MPST: variants seen among roughly 807,000 people sequenced by gnomAD.
The protein encoded by MPST is 3-mercaptopyruvate sulfurtransferase.
In MPST, 27 loss-of-function variants were observed where a neutral mutation model predicts 28.5. The observed-to-expected ratio is 0.95, with a 90% CI of 0.70 to 1.31. The LOEUF (loss-of-function observed/expected upper bound fraction) is 1.31. MPST is among the 50% of genes most tolerant of loss of function. MPST has a pLI of 0.00. For synonymous variants in MPST, 204 were observed against 209.3 expected, an observed-to-expected ratio of 0.97 and a Z score of 0.22; for missense variants, 492 against 471.1, an observed-to-expected ratio of 1.04 and a Z score of -0.41.
chr22:37,029,341 T>TC lies in MPST; in HGVS notation c.782dup (p.Lys262Ter), dbSNP rs757877594. Reference sequence around the variant, plus strand: ...GTTCCAGGAGAAGAAAGTGGACCTGTCTAAGCCACTGGTGGCCACGTGTGG... The same window carrying TC: ...GTTCCAGGAGAAGAAAGTGGACCTGTCCTAAGCCACTGGTGGCCACGTGTGG... On this transcript the variant is annotated frameshift_variant, in exon 3 of 3. Transcript: ENST00000429360. LOFTEE classifies it high-confidence loss of function. 6.2e-7 allele frequency: 1 copy of TC among 1,614,112 alleles called. No homozygotes were observed.
At chr22:37,023,014 G>T in intron 1 of MPST, 1 of 152,858 alleles carries the variant, frequency 6.5e-6, no homozygotes, top group Non-Finnish European at 1.5e-5. Flanking sequence ...CTGGCATAGT[G>T]GGCTGGCGAG....
At chr22:37,025,540 A>ACCG in intron 2 of MPST, 1 of 190,316 alleles carries the variant, frequency 5.3e-6, no homozygotes, top group South Asian at 1.1e-4. Flanking sequence ...GCCTGTGGGT[A>ACCG]AGCTCTGTAT....
At chr22:37,027,809 C>T (rs1208744581) in intron 2 of MPST, 1 of 152,232 alleles carries the variant, frequency 6.6e-6, no homozygotes, top group Non-Finnish European at 1.5e-5. Flanking sequence ...CCTCCATCCA[C>T]CCAGACCCCT....
At chr22:37,019,949 C>G in intron 1 of MPST, 77 bp downstream of exon 1, 1 of 704,526 alleles carries the variant, frequency 1.4e-6, no homozygotes, top group South Asian at 7.2e-5. Flanking sequence ...GCGCGGGGCT[C>G]CCGCGCGGGA....
At chr22:37,020,050 G>T (rs1013732133) in intron 1 of MPST, 178 bp downstream of exon 1, 22 of 397,942 alleles carry the variant, frequency 5.5e-5, no homozygotes, top group Non-Finnish European at 9.7e-5. Flanking sequence ...GGCCTGCCGG[G>T]TGGGGTCGTG....
At chr22:37,023,627 C>G in intron 1 of MPST, 1 of 319,840 alleles carries the variant, frequency 3.1e-6, no homozygotes, top group Non-Finnish European at 4.7e-6. Context: ...TATACCAGGC[C>G]TCTTAAGATC....
At chr22:37,023,868 G>A in intron 1 of MPST, 5 of 1,452,568 alleles carry the variant, frequency 3.4e-6, no homozygotes, top group Non-Finnish European at 4.6e-6. Context: ...TTTGTGCCTT[G>A]AAGCCAGCAG....
At position 37,029,705 on chromosome 22, in the gene MPST, C is replaced by T; in HGVS notation, c.*191C>T. On this transcript the variant is annotated 3_prime_UTR_variant, in exon 3 of 3. Coordinates refer to ENST00000429360, the MANE Select transcript of MPST (RefSeq NM_021126.8). ...GTAGGGGCGGGAGGAAAGGCGGAGG[C>T]GAGCCCTGGAGGAGGGAGGCCACAA... is the stretch of plus-strand genomic sequence containing the variant. The T allele has an allele frequency of 4.5e-6, 3 of 660,264 alleles. No individual in the cohort carries two copies. The highest frequency in any genetic ancestry group is 2.0e-5 in the South Asian group (1 of 50,568). 40.9% of individuals were successfully genotyped at this position (660,264 alleles called of 1,614,324 possible).
intron 1 of MPST, among the ~76,000 whole-genome samples, chr22:37,021,730 C>T (rs936316458): frequency 1.3e-5 from 2 of 152,096 alleles, no homozygotes; most frequent in Admixed American, 6.6e-5. Context: ...CTTGGCCTCC[C>T]GAAGTGCTGG....
chr22:37,023,021 C>A (rs1023520908), intron 1 of MPST: 1 of 152,664 alleles, frequency 6.6e-6, no homozygotes, highest in Non-Finnish European at 1.5e-5. Context: ...AGTGGGCTGG[C>A]GAGCTGGTGC....
chr22:37,024,850 G>A (rs1923401946), intron 2 of MPST, 40 bp downstream of exon 2: 1 of 1,589,042 alleles, frequency 6.3e-7, no homozygotes, highest in Admixed American at 1.8e-5. Context: ...TCGGGGGCGC[G>A]GCCTCTACGC....
intron 2 of MPST, chr22:37,027,547 A>G (rs1923616027): frequency 6.6e-6 from 1 of 152,204 alleles, no homozygotes; most frequent in Non-Finnish European, 1.5e-5. Context: ...CATGATGGCA[A>G]GCCCCTTCTC....
intron 2 of MPST, 148 bp downstream of exon 2, chr22:37,024,958 T>A (rs1923414633): frequency 5.3e-6 from 8 of 1,509,460 alleles, no homozygotes; most frequent in Non-Finnish European, 7.2e-6. Flanking sequence ...CCCTTTCCCT[T>A]CCCTCCTTTC....
rs940318746 is a variant in MPST at position 37,024,253 on chromosome 22, C to T, written c.98C>T (p.Ala33Val). ...CAGCTCTGCCGCGCGCTGGTGTCGG[C>T]GCAATGGGTGGCGGAGGCGCTGCGG... ...SPQLCRALVSAQWVAEALRAP... is the reference protein window; with the variant it reads ...SPQLCRALVSVQWVAEALRAP... Residue 33 changes from alanine to valine, a missense_variant, in exon 2 of 3, where the codon GCG becomes GTG. Transcript: ENST00000429360. 8 of 1,440,246 alleles carry T rather than the reference C, an allele frequency of 5.6e-6. No homozygotes were observed. The highest frequency in any genetic ancestry group is 2.8e-5 in the East Asian group (1 of 36,154). The allele number at this position is 1,440,246 out of a possible 1,614,324, so 89.2% of individuals were successfully genotyped here.
At chr22:37,025,522 G>A (rs1483652971) in intron 2 of MPST, 1 of 193,524 alleles carries the variant, frequency 5.2e-6, no homozygotes, top group Non-Finnish European at 1.1e-5. Context: ...GATTTCCTCA[G>A]GCAAGAAGCC....
At chr22:37,025,976 T>A (rs1923497114) in intron 2 of MPST, 1 of 152,186 alleles carries the variant, frequency 6.6e-6, no homozygotes, top group African/African-American at 2.4e-5. Flanking sequence ...AGAGGTTTGG[T>A]GAATACAGAA....
intron 1 of MPST, among the ~76,000 whole-genome samples, chr22:37,022,421 G>A (rs1189826255): frequency 6.6e-6 from 1 of 152,224 alleles, no homozygotes; most frequent in Admixed American, 6.5e-5. Context: ...GCAAAGGCAA[G>A]AGTGCCTCGG....
At chr22:37,023,736 C>T (rs1315083957) in intron 1 of MPST, 4 of 1,124,056 alleles carry the variant, frequency 3.6e-6, no homozygotes, top group Non-Finnish European at 4.4e-6. Flanking sequence ...TAAATTCCAG[C>T]TACTGTTCCT....
chr22:37,023,936 C>T, intron 1 of MPST: 2 of 1,523,740 alleles, frequency 1.3e-6, no homozygotes, highest in Non-Finnish European at 8.8e-7. Flanking sequence ...AGGTGAGGGG[C>T]GTGGCCTGGG....
Sources: allele counts gnomAD v4.1 joint callset (sites outside exome capture counted in the v4.1 genomes callset), GRCh38; gene constraint gnomAD v4.1.1; transcripts MANE v1.5; gene names NCBI Gene and HGNC (gene_info 2026-07-23, HGNC 2026-07-21).